The following TSHZ3 variants were observed in gnomAD, a reference collection of about 807,000 sequenced individuals.
TSHZ3 encodes the protein teashirt zinc finger homeobox 3.
In TSHZ3, 10 loss-of-function variants were observed where a neutral mutation model predicts 64.5. That is an observed-to-expected ratio of 0.16 (90% confidence interval 0.10 to 0.26). TSHZ3 has a LOEUF of 0.26. Among genes scored for constraint, TSHZ3 ranks in the 10% least tolerant of loss-of-function variants. The pLI is 1.00. For synonymous variants in TSHZ3, 608 were observed against 593.1 expected, an observed-to-expected ratio of 1.03 and a Z score of -0.36; for missense variants, 1,242 against 1,421.7, an observed-to-expected ratio of 0.87 and a Z score of 2.03.
intron 5 of TSHZ3, among the ~76,000 whole-genome samples, chr19:31,192,450 T>C (rs1458515637): frequency 6.6e-6 from 1 of 152,218 alleles, no homozygotes; most frequent in Non-Finnish European, 1.5e-5. Flanking sequence ...GTAAGTCTAA[T>C]ACCCTATACT....
intron 5 of TSHZ3, among the ~76,000 whole-genome samples, chr19:31,179,943 A>G (rs1364334933): frequency 6.6e-6 from 1 of 152,104 alleles, no homozygotes; most frequent in Admixed American, 6.6e-5. Flanking sequence ...CGAGCCCAGT[A>G]AGATAGGGAG....
intron 5 of TSHZ3, among the ~76,000 whole-genome samples, chr19:31,179,661 A>G (rs999843099): frequency 1.3e-5 from 2 of 151,458 alleles, no homozygotes; most frequent in Non-Finnish European, 2.9e-5. Context: ...GATGGTGGCA[A>G]TGATGATGGT....
intron 5 of TSHZ3, among the ~76,000 whole-genome samples, chr19:31,185,386 G>A (rs896587433): frequency 6.6e-6 from 1 of 152,224 alleles, no homozygotes; most frequent in Admixed American, 6.5e-5. Context: ...CCCCTTAGGG[G>A]AGGGAAGTAA....
At position 31,279,729 on chromosome 19, in the gene TSHZ3, C is replaced by A. The variant is rs370771716; in HGVS notation, c.64G>T (p.Ala22Ser). 6.6e-7 allele frequency: 1 copy of A among 1,508,596 alleles called. No homozygotes were observed. Among genetic ancestry groups the A allele is most frequent in the African/African-American group, 1.4e-5 (1 of 71,612 alleles). 93.5% of individuals were successfully genotyped at this position (1,508,596 alleles called of 1,614,324 possible). ...AAACCTTCGTCCACCAGGGCAGCAG[C>A]CTTTAACTCTTCGGAAACATAGGCT... is the stretch of plus-strand genomic sequence containing the variant. ...AAAYVSEELK[A>S]AALVDEGLDP... Residue 22 changes from alanine (A) to serine (S), a missense_variant, in exon 2 of 2, where the codon GCT (alanine) becomes TCT (serine). Physicochemically the swap from Ala to Ser is moderately conservative, Grantham distance 99. This residue lies in a region of TSHZ3 where 555 missense variants were observed against 704.0 expected (regional missense o/e 0.79). Transcript: ENST00000240587. The surrounding 1 kb of genome is among the most constrained non-coding windows in gnomAD (Gnocchi z 6.4).
chr19:31,229,527 C>T (rs1046132902), intron 3 of TSHZ3, among the ~76,000 whole-genome samples: 1 of 152,090 alleles, frequency 6.6e-6, no homozygotes, highest in Non-Finnish European at 1.5e-5. Context: ...AATACATATA[C>T]AAATGAACTA....
At position 31,207,235 on chromosome 19, in the gene TSHZ3, T is replaced by C. The variant is rs1450413533; in HGVS notation, n.687-2157A>G. ...TATTCCTGCACCATTTAAATTACTT[T>C]ACAATGCTGATTAAAATAACAGAAC... On this transcript the variant is annotated intron_variant and non_coding_transcript_variant, in intron 4 of 6. Transcript: ENST00000651361. 3.3e-5 allele frequency among the ~76,000 whole-genome samples: 5 copies of C among 152,344 alleles called. 1 individual carries two copies. In the South Asian group the frequency reaches 6.2e-4, roughly 19 times the overall value.
chr19:31,333,456 G>A (rs972159165), intron 1 of TSHZ3, among the ~76,000 whole-genome samples: 2 of 152,166 alleles, frequency 1.3e-5, no homozygotes, highest in East Asian at 1.9e-4. Context: ...GACCTGGATC[G>A]GCCCTTTTCA....
intron 5 of TSHZ3, among the ~76,000 whole-genome samples, chr19:31,202,735 C>T (rs964148515): frequency 2.0e-5 from 3 of 152,212 alleles, no homozygotes; most frequent in Admixed American, 2.0e-4. Flanking sequence ...AATAGACTCT[C>T]ACCTGAAGTG....
chr19:31,296,488 C>T (rs915649273), intron 1 of TSHZ3, among the ~76,000 whole-genome samples: 22 of 151,916 alleles, frequency 1.4e-4, no homozygotes, highest in African/African-American at 5.3e-4. Flanking sequence ...GTGCCCGCCA[C>T]CATGCCTGGC....
At chr19:31,287,378 G>C (rs1976480967) in intron 1 of TSHZ3, among the ~76,000 whole-genome samples, 1 of 152,178 alleles carries the variant, frequency 6.6e-6, no homozygotes, top group Admixed American at 6.5e-5. Flanking sequence ...GGATAGCCCA[G>C]AAGAACACCC....
At chr19:31,300,023 T>C (rs749996821) in intron 1 of TSHZ3, among the ~76,000 whole-genome samples, 1 of 152,206 alleles carries the variant, frequency 6.6e-6, no homozygotes, top group Non-Finnish European at 1.5e-5. Flanking sequence ...ATAAATGGCT[T>C]TAAGACAGAG....
intron 4 of TSHZ3, among the ~76,000 whole-genome samples, chr19:31,213,504 AT>A (rs1303641863): frequency 6.6e-6 from 1 of 151,576 alleles, no homozygotes; most frequent in Non-Finnish European, 1.5e-5. Flanking sequence ...GTCTTTGTAC[AT>A]TTGTGTAAAC....
chr19:31,278,861 G>A lies in TSHZ3; in HGVS notation c.932C>T (p.Pro311Leu), dbSNP rs887864001. 1 of 1,614,010 alleles carries A rather than the reference G, an allele frequency of 6.2e-7. No homozygotes were observed. The highest frequency in any genetic ancestry group is 1.3e-5 in the African/African-American group (1 of 74,894). ...QKVPLKEPVT[P>L]VAAKIIPATR... ...GGCAGGGATGATTTTGGCGGCGACA[G>A]GAGTGACGGGTTCCTTCAGAGGCAC... Residue 311 changes from proline (P) to leucine (L), a missense_variant, in exon 2 of 2, where the codon CCT (proline) becomes CTT (leucine). Pro to Leu is a moderately conservative substitution (Grantham distance 98). This residue lies in a region of TSHZ3 where 555 missense variants were observed against 704.0 expected (regional missense o/e 0.79). Coordinates refer to ENST00000240587, the MANE Select transcript of TSHZ3 (RefSeq NM_020856.4). This position sits in a 1 kb window ranked among gnomAD's most constrained non-coding sequence, Gnocchi z 4.7.
rs151005177 is a variant in TSHZ3 at position 31,276,703 on chromosome 19, C to T, written c.3090G>A (p.Thr1030=). ...QTKSPSEKMV[T]SSPEEDLGTS... is the part of the protein sequence containing the mutation. ...TCCCCAGGTCTTCCTCGGGGGAGGA[C>T]GTCACCATTTTTTCTGACGGTGACT... Residue 1030 remains threonine (T), a synonymous_variant, in exon 2 of 2, where the codon ACG becomes ACA. Transcript: ENST00000240587. 3.0e-5 allele frequency: 49 copies of T among 1,613,598 alleles called. No homozygotes were observed. The highest frequency in any genetic ancestry group is 8.3e-5 in the Admixed American group (5 of 59,992).
chr19:31,261,209 C>T (rs2145198965), intron 1 of TSHZ3, among the ~76,000 whole-genome samples: 1 of 152,332 alleles, frequency 6.6e-6, no homozygotes, highest in East Asian at 1.9e-4. Context: ...CCAAGAACTG[C>T]AGGCTGGGTC....
At chr19:31,241,801 GA>G (rs1319190344) in intron 3 of TSHZ3, among the ~76,000 whole-genome samples, 2 of 152,190 alleles carry the variant, frequency 1.3e-5, no homozygotes, top group Non-Finnish European at 2.9e-5. Flanking sequence ...CCTTCTCTCT[GA>G]AATCACTGCT....
intron 1 of TSHZ3, among the ~76,000 whole-genome samples, chr19:31,284,511 C>A (rs1215404566): frequency 2.6e-5 from 4 of 152,180 alleles, no homozygotes; most frequent in African/African-American, 9.7e-5. Context: ...GAGTCCTCCA[C>A]CATTTGCCCG....
intron 1 of TSHZ3, among the ~76,000 whole-genome samples, chr19:31,348,682 G>A (rs941714210): frequency 7.2e-5 from 11 of 152,194 alleles, no homozygotes; most frequent in Non-Finnish European, 1.6e-4. Context: ...GCTGTGCCCA[G>A]TTTGGGCCCA....
At chr19:31,267,691 C>T (rs1296119891) in intron 1 of TSHZ3, among the ~76,000 whole-genome samples, 1 of 152,094 alleles carries the variant, frequency 6.6e-6, no homozygotes. Flanking sequence ...CCCCACTCGC[C>T]CTTTGGAAGG....
Sources: allele counts gnomAD v4.1 joint callset (sites outside exome capture counted in the v4.1 genomes callset), GRCh38; gene constraint gnomAD v4.1.1; regional missense constraint gnomAD v4.1.1; non-coding constraint Gnocchi (gnomAD v3.1); transcripts MANE v1.5; gene names NCBI Gene and HGNC (gene_info 2026-07-23, HGNC 2026-07-21).